The following GNAQ variants were observed in gnomAD, a reference collection of about 807,000 sequenced individuals.
GNAQ encodes the protein G protein subunit alpha q.
A neutral mutation model predicts 43.9 loss-of-function variants in GNAQ; 8 were observed. The ratio of observed to expected loss-of-function variants is 0.18; its 90% CI spans 0.11 to 0.33. GNAQ has a LOEUF of 0.33. Among genes scored for constraint, GNAQ ranks in the 10% least tolerant of loss-of-function variants. The pLI, the probability that GNAQ is intolerant of heterozygous loss-of-function variation, is 1.00. For synonymous variants in GNAQ, 155 were observed against 170.7 expected, an observed-to-expected ratio of 0.91 and a Z score of 0.71; for missense variants, 158 against 450.8, an observed-to-expected ratio of 0.35 and a Z score of 5.88.
intron 6 of GNAQ, among the ~76,000 whole-genome samples, chr9:77,724,376 G>A (rs561759549): frequency 6.6e-6 from 1 of 152,154 alleles, no homozygotes; most frequent in Admixed American, 6.5e-5. Flanking sequence ...ATTTTTAGAA[G>A]AGAAGAGACA....
intron 1 of GNAQ, among the ~76,000 whole-genome samples, chr9:77,957,042 G>A (rs1823049353): frequency 6.6e-6 from 1 of 152,102 alleles, no homozygotes; most frequent in Admixed American, 6.5e-5. Context: ...CAGAATGATA[G>A]AAATAAATGC....
At chr9:77,750,900 T>C (rs1825801342) in intron 5 of GNAQ, among the ~76,000 whole-genome samples, 2 of 152,176 alleles carry the variant, frequency 1.3e-5, no homozygotes, top group African/African-American at 2.4e-5. Context: ...AAAATGAACA[T>C]TTTGAACAAC....
At chr9:77,919,067 G>A (rs942260932) in intron 2 of GNAQ, among the ~76,000 whole-genome samples, 2 of 152,036 alleles carry the variant, frequency 1.3e-5, no homozygotes, top group Admixed American at 1.3e-4. Context: ...TTACAGGCAT[G>A]TGCCACCACG....
chr9:77,730,797 G>T (rs1043521574), intron 5 of GNAQ, among the ~76,000 whole-genome samples: 16 of 152,134 alleles, frequency 1.1e-4, no homozygotes, highest in African/African-American at 3.9e-4. Context: ...TTAAGCCCTG[G>T]AAATAACACT....
intron 2 of GNAQ, among the ~76,000 whole-genome samples, chr9:77,904,495 GCTA>G (rs1828671625): frequency 6.6e-6 from 1 of 151,646 alleles, no homozygotes; most frequent in Non-Finnish European, 1.5e-5. Context: ...ACCACGCCTG[GCTA>G]CTTTTTTATA....
intron 1 of GNAQ, among the ~76,000 whole-genome samples, chr9:77,938,884 G>A (rs1310562402): frequency 6.6e-6 from 1 of 152,206 alleles, no homozygotes; most frequent in African/African-American, 2.4e-5. Flanking sequence ...CAAAGCAGGA[G>A]ACAAAATCAT....
At chr9:77,778,074 A>G (rs193221274) in intron 5 of GNAQ, among the ~76,000 whole-genome samples, 2 of 152,184 alleles carry the variant, frequency 1.3e-5, no homozygotes, top group East Asian at 1.9e-4. Context: ...GCCAAAAAGT[A>G]TAATCAACTC....
intron 1 of GNAQ, among the ~76,000 whole-genome samples, chr9:77,945,927 C>G (rs1186634104): frequency 6.6e-6 from 1 of 152,190 alleles, no homozygotes; most frequent in Non-Finnish European, 1.5e-5. Context: ...CTCTAACTTT[C>G]CCACTACTTA....
chr9:78,005,312 T>C (rs988188401), intron 1 of GNAQ, among the ~76,000 whole-genome samples: 1 of 152,218 alleles, frequency 6.6e-6, no homozygotes, highest in East Asian at 1.9e-4. Context: ...CCCAAAGTGC[T>C]GGGATTATAG....
chr9:77,761,164 G>A (rs1186380085), intron 5 of GNAQ, among the ~76,000 whole-genome samples: 1 of 140,888 alleles, frequency 7.1e-6, no homozygotes, highest in African/African-American at 2.6e-5. Context: ...GGAGGGAGGT[G>A]GGGGGGTCAG....
intron 1 of GNAQ, among the ~76,000 whole-genome samples, chr9:77,996,239 G>A (rs1489035993): frequency 6.6e-6 from 1 of 152,172 alleles, no homozygotes; most frequent in Non-Finnish European, 1.5e-5. Flanking sequence ...GAGGCTAGAG[G>A]TGGCTTAGAG....
intron 1 of GNAQ, among the ~76,000 whole-genome samples, chr9:78,020,714 C>T (rs975020544): frequency 1.3e-5 from 2 of 152,170 alleles, no homozygotes; most frequent in South Asian, 2.1e-4. Context: ...GACACAATGG[C>T]GCTACCCCTA....
At chr9:77,889,927 A>G (rs1204947425) in intron 2 of GNAQ, among the ~76,000 whole-genome samples, 2 of 152,188 alleles carry the variant, frequency 1.3e-5, no homozygotes, top group African/African-American at 2.4e-5. Flanking sequence ...AATGTTTGTC[A>G]AAGTCAAATT....
intron 1 of GNAQ, among the ~76,000 whole-genome samples, chr9:78,007,871 C>T (rs563714738): frequency 2.0e-4 from 30 of 152,244 alleles, no homozygotes; most frequent in Admixed American, 7.8e-4. Context: ...TCTTGTTAAC[C>T]TTAACTAGAT....
chr9:77,797,755 A>G, intron 3 of GNAQ, 107 bp from the exon 4 acceptor site: 3 of 942,142 alleles, frequency 3.2e-6, no homozygotes, highest in South Asian at 1.6e-5. Context: ...TAAAGAAGAG[A>G]AAGAAAAATA....
chr9:77,788,039 A>G (rs1564110637), intron 5 of GNAQ, among the ~76,000 whole-genome samples: 1 of 152,234 alleles, frequency 6.6e-6, no homozygotes, highest in South Asian at 2.1e-4. Context: ...CTCAAAAAAC[A>G]AAACAAGACA....
At chr9:77,825,187 T>A (rs1161369999) in intron 2 of GNAQ, among the ~76,000 whole-genome samples, 1 of 152,238 alleles carries the variant, frequency 6.6e-6, no homozygotes, top group East Asian at 1.9e-4. Flanking sequence ...TAATTTTTTG[T>A]TAAACATGCA....
chr9:77,987,392 G>A (rs544017433), intron 1 of GNAQ, among the ~76,000 whole-genome samples: 3 of 152,166 alleles, frequency 2.0e-5, no homozygotes, highest in Admixed American at 6.5e-5. Context: ...CCCATGTTTT[G>A]AGGCATATCA....
chr9:77,793,691 C>T (rs1587919108), intron 5 of GNAQ, among the ~76,000 whole-genome samples: 1 of 152,162 alleles, frequency 6.6e-6, no homozygotes, highest in East Asian at 1.9e-4. Flanking sequence ...GTGTCTTCCC[C>T]GTTCCCCCAA....
Sources: gnomAD v4.1 joint callset for allele counts (sites outside exome capture counted in the v4.1 genomes callset) on GRCh38, gnomAD v4.1.1 for gene constraint, MANE v1.5 for transcripts, NCBI Gene and HGNC (gene_info 2026-07-23, HGNC 2026-07-21) for gene names.